The following S100Z variants were observed in gnomAD, a reference collection of about 807,000 sequenced individuals.
S100Z encodes S100 calcium binding protein Z.
S100Z carries 11 observed loss-of-function variants against 8.5 expected under a neutral mutation model. The observed-to-expected ratio is 1.30, with a 90% CI of 0.82 to 2.15. S100Z has a LOEUF of 2.15. S100Z is among the 30% of genes most tolerant of loss of function. The pLI, the probability that S100Z is intolerant of heterozygous loss-of-function variation, is 0.00. For synonymous variants in S100Z, 34 were observed against 43.8 expected, an observed-to-expected ratio of 0.78 and a Z score of 0.89; for missense variants, 126 against 117.9, an observed-to-expected ratio of 1.07 and a Z score of -0.32.
chr5:76,888,271 A>C (rs1385234536), intron 4 of S100Z, among the ~76,000 whole-genome samples: 1 of 151,372 alleles, frequency 6.6e-6, no homozygotes, highest in African/African-American at 2.4e-5. Context: ...AAAAGAAAAA[A>C]AAAAGGAAAG....
intron 4 of S100Z, among the ~76,000 whole-genome samples, chr5:76,912,257 T>TA (rs1561250012): frequency 6.6e-6 from 1 of 152,130 alleles, no homozygotes; most frequent in African/African-American, 2.4e-5. Context: ...TTCAAATACA[T>TA]ATGTGCATGG....
intron 4 of S100Z, among the ~76,000 whole-genome samples, chr5:76,903,631 T>C (rs989513396): frequency 6.6e-6 from 1 of 152,152 alleles, no homozygotes; most frequent in African/African-American, 2.4e-5. Context: ...AGGTGTAAAG[T>C]GTTATCTCAT....
At chr5:76,945,502 T>A in the S100Z span, among the ~76,000 whole-genome samples, 13 of 152,372 alleles carry the variant, frequency 8.5e-5, no homozygotes, top group Middle Eastern at 3.4e-3. Context: ...ACATTTGTTC[T>A]ATTCTGAGAT....
intron 4 of S100Z, among the ~76,000 whole-genome samples, chr5:76,917,706 C>G (rs1744897639): frequency 6.6e-6 from 1 of 151,678 alleles, no homozygotes; most frequent in Non-Finnish European, 1.5e-5. Flanking sequence ...GCCTGTAATC[C>G]CAGCTACAAG....
At chr5:76,924,629 G>T (rs1412678587), downstream of S100Z, among the ~76,000 whole-genome samples, 1 of 152,200 alleles carries the variant, frequency 6.6e-6, no homozygotes, top group Non-Finnish European at 1.5e-5. Flanking sequence ...ACATTTATGG[G>T]CCGGGTGTGG....
intron 4 of S100Z, among the ~76,000 whole-genome samples, chr5:76,893,475 C>G (rs1213242547): frequency 1.3e-5 from 2 of 151,556 alleles, no homozygotes; most frequent in Non-Finnish European, 2.9e-5. Context: ...CCTAGGAGGT[C>G]AAGGTTGCAG....
At chr5:76,861,228 GCCTCAGTCCTTTGTC>G (rs1334560668) in intron 1 of S100Z, among the ~76,000 whole-genome samples, 3 of 152,186 alleles carry the variant, frequency 2.0e-5, no homozygotes, top group Non-Finnish European at 4.4e-5. Flanking sequence ...CCAGCAAGAG[GCCTCAGTCCTTTGTC>G]CTGTAGATCT....
At chr5:76,850,800 A>C (rs185799063) in intron 1 of S100Z, among the ~76,000 whole-genome samples, 7 of 152,260 alleles carry the variant, frequency 4.6e-5, no homozygotes, top group African/African-American at 1.7e-4. Flanking sequence ...TGGGTTAGAC[A>C]GAGAAATAAA....
chr5:76,867,652 T>G (rs1742816353), intron 1 of S100Z, among the ~76,000 whole-genome samples: 1 of 151,146 alleles, frequency 6.6e-6, no homozygotes, highest in Non-Finnish European at 1.5e-5. Flanking sequence ...AGTATAGTGG[T>G]GTGATCTCAG....
chr5:76,922,998 C>T (rs1029955811), downstream of S100Z, among the ~76,000 whole-genome samples: 1 of 144,408 alleles, frequency 6.9e-6, no homozygotes, highest in African/African-American at 2.6e-5. Context: ...TCCCTTTGCC[C>T]CTACAATGCC....
At chr5:76,895,017 T>C (rs1279115359) in intron 4 of S100Z, among the ~76,000 whole-genome samples, 1 of 152,176 alleles carries the variant, frequency 6.6e-6, no homozygotes, top group East Asian at 1.9e-4. Context: ...TCTTCCTCCC[T>C]TACAAACCCT....
At chr5:76,881,438 G>C (rs868498024) in intron 4 of S100Z, among the ~76,000 whole-genome samples, 1 of 152,122 alleles carries the variant, frequency 6.6e-6, no homozygotes, top group Non-Finnish European at 1.5e-5. Flanking sequence ...AGTCCTGGGC[G>C]GGGGCAAATC....
intron 4 of S100Z, among the ~76,000 whole-genome samples, chr5:76,889,727 G>T (rs1743792963): frequency 6.6e-6 from 1 of 152,228 alleles, no homozygotes; most frequent in African/African-American, 2.4e-5. Flanking sequence ...TAAAGGAGAG[G>T]CTTTCTTTTC....
At chr5:76,860,868 G>A (rs776902648) in intron 1 of S100Z, among the ~76,000 whole-genome samples, 39 of 152,102 alleles carry the variant, frequency 2.6e-4, no homozygotes, top group Admixed American at 2.4e-3. Flanking sequence ...GAGAGGCCAC[G>A]CATGATTTCA....
the S100Z span, chr5:76,952,676 T>C: frequency 6.0e-6 from 1 of 167,650 alleles, no homozygotes; most frequent in Admixed American, 5.7e-5. Context: ...ATAGGCTCTA[T>C]ATGTTTGGGT....
intron 4 of S100Z, among the ~76,000 whole-genome samples, chr5:76,880,640 G>T (rs1161469818): frequency 6.6e-6 from 1 of 152,172 alleles, no homozygotes; most frequent in Non-Finnish European, 1.5e-5. Context: ...CCAAATAAGA[G>T]AAGGAGAAAA....
At chr5:76,909,700 G>A (rs1290482984) in intron 4 of S100Z, among the ~76,000 whole-genome samples, 2 of 152,138 alleles carry the variant, frequency 1.3e-5, no homozygotes, top group African/African-American at 4.8e-5. Flanking sequence ...CAAGCTGTAG[G>A]GGGAGGGGAA....
intron 1 of S100Z, among the ~76,000 whole-genome samples, chr5:76,868,870 C>T (rs1228448989): frequency 2.0e-5 from 3 of 152,090 alleles, no homozygotes; most frequent in Non-Finnish European, 2.9e-5. Flanking sequence ...GTGATCTACC[C>T]GCCTCAGCCT....
At chr5:76,884,161 A>G (rs1332993118) in intron 4 of S100Z, among the ~76,000 whole-genome samples, 2 of 152,236 alleles carry the variant, frequency 1.3e-5, no homozygotes, top group Non-Finnish European at 2.9e-5. Context: ...CTCTGGGTCT[A>G]GGGCAGTAAA....
Sources: gnomAD v4.1 joint callset for allele counts (sites outside exome capture counted in the v4.1 genomes callset) on GRCh38, gnomAD v4.1.1 for gene constraint, MANE v1.5 for transcripts, NCBI Gene and HGNC (gene_info 2026-07-23, HGNC 2026-07-21) for gene names.